ANKRD17: variants seen among roughly 807,000 people sequenced by gnomAD.
ANKRD17 encodes ankyrin repeat domain-containing protein 17.
In ANKRD17, 19 loss-of-function variants were observed where a neutral mutation model predicts 229.7. That is an observed-to-expected ratio of 0.08 (90% CI 0.06 to 0.12). ANKRD17 has a LOEUF of 0.12. Among genes scored for constraint, ANKRD17 ranks in the 10% least tolerant of loss-of-function variants. ANKRD17 has a pLI of 1.00. For synonymous variants in ANKRD17, 1,112 were observed against 1,146.1 expected (o/e 0.97, Z 0.60); for missense variants, 2,176 against 3,176.8 (o/e 0.68, Z 7.57).
chr4:73,111,453 G>A (rs1291777038), intron 24 of ANKRD17, among the ~76,000 whole-genome samples: 3 of 151,988 alleles, frequency 2.0e-5, no homozygotes, highest in Non-Finnish European at 4.4e-5. Flanking sequence ...TACTCAGAAC[G>A]GCATGCAACA....
At chr4:73,107,175 T>C (rs912378766) in intron 24 of ANKRD17, among the ~76,000 whole-genome samples, 3 of 152,198 alleles carry the variant, frequency 2.0e-5, no homozygotes, top group African/African-American at 7.2e-5. Context: ...TGCCAGATAC[T>C]GGTCTAAGTT....
At chr4:73,122,865 T>A (rs929825118) in intron 18 of ANKRD17, among the ~76,000 whole-genome samples, 6 of 152,126 alleles carry the variant, frequency 3.9e-5, no homozygotes, top group African/African-American at 1.4e-4. Context: ...TTCTCAAGTT[T>A]TCTCAATGCC....
At chr4:73,253,924 C>A (rs1021876229) in intron 1 of ANKRD17, among the ~76,000 whole-genome samples, 1 of 152,220 alleles carries the variant, frequency 6.6e-6, no homozygotes, top group Non-Finnish European at 1.5e-5. Context: ...GCTGAATCCT[C>A]CCTAAGTACT....
In ANKRD17 at chr4:73,177,621, G is replaced by C. The variant is rs530285114; in HGVS notation, c.394-88C>G. 4.3e-5 allele frequency: 44 copies of C among 1,015,834 alleles called. No homozygotes were observed. The African/African-American group carries it at 6.8e-4, about 16-fold the overall frequency. 62.9% of individuals were successfully genotyped at this position (1,015,834 alleles called of 1,614,324 possible). On this transcript the variant is annotated intron_variant, in intron 1 of 33. Transcript: ENST00000358602. ...AGAGAAATAAAAAGAAAGCAGGGGA[G>C]GGAAAAAATATGTTAACATAATTAA...
At position 73,090,960 on chromosome 4, in the gene ANKRD17, G is replaced by T; in HGVS notation, c.6668C>A (p.Thr2223Asn). ...SVPSSVQLPS[T>N]LSTQSACQNS... ...CTGACAAGCACTTTGTGTACTTAAG[G>T]TCGAAGGTAGCTGGACAGAAGAGGG... Residue 2223 changes from threonine (T) to asparagine (N), a missense_variant, in exon 29 of 34, where the codon ACC becomes AAC. Physicochemically the swap from Thr to Asn is moderately conservative, Grantham distance 65. Coordinates refer to ENST00000358602, the MANE Select transcript of ANKRD17 (RefSeq NM_032217.5). 6.2e-7 allele frequency: 1 copy of T among 1,614,228 alleles called. No homozygotes were observed. Among genetic ancestry groups the T allele is most frequent in the Non-Finnish European group, 8.5e-7 (1 of 1,180,046 alleles).
intron 1 of ANKRD17, among the ~76,000 whole-genome samples, chr4:73,188,644 C>A (rs1736620046): frequency 6.6e-6 from 1 of 151,702 alleles, no homozygotes; most frequent in African/African-American, 2.4e-5. Flanking sequence ...TCATTAGAAC[C>A]TGAGATTTAA....
chr4:73,147,320 T>C lies in ANKRD17; in HGVS notation c.1680A>G (p.Ile560Met), dbSNP rs1356106461. Residue 560 changes from isoleucine (I) to methionine (M), a missense_variant, in exon 9 of 34, where the codon ATA becomes ATG. Physicochemically the swap from Ile to Met is conservative, Grantham distance 10 (BLOSUM62 1). Coordinates refer to ENST00000358602, the MANE Select transcript of ANKRD17 (RefSeq NM_032217.5). ...TTAAAGGGGTAGAACACCCTAGTTC[T>C]ATATCGGCTCCTGCCTTAATTAGAA... is the stretch of plus-strand genomic sequence containing the variant. ...ADFLIKAGAD[I>M]ELGCSTPLME... is the part of the protein sequence containing the mutation. 6.2e-7 allele frequency: 1 copy of C among 1,609,480 alleles called. No homozygotes were observed. The highest frequency in any genetic ancestry group is 1.7e-5 in the Admixed American group (1 of 59,568).
chr4:73,128,209 C>A (rs1727726499), intron 16 of ANKRD17, among the ~76,000 whole-genome samples: 1 of 152,200 alleles, frequency 6.6e-6, no homozygotes, highest in African/African-American at 2.4e-5. Flanking sequence ...CATAAGCTAA[C>A]AACTGGTAGA....
At chr4:73,177,199 T>C (rs927525983) in intron 2 of ANKRD17, among the ~76,000 whole-genome samples, 181 bp downstream of exon 2, 1 of 152,234 alleles carries the variant, frequency 6.6e-6, no homozygotes, top group Non-Finnish European at 1.5e-5. Context: ...ACTCTGGTAA[T>C]GAAAATTACA....
intron 11 of ANKRD17, among the ~76,000 whole-genome samples, chr4:73,143,688 T>A: frequency 6.6e-6 from 1 of 152,232 alleles, no homozygotes; most frequent in Non-Finnish European, 1.5e-5. Flanking sequence ...GTTACTATTA[T>A]TATAATGTGA....
chr4:73,203,435 G>A (rs369858598), intron 1 of ANKRD17, among the ~76,000 whole-genome samples: 66 of 152,256 alleles, frequency 4.3e-4, no homozygotes, highest in African/African-American at 1.6e-3. Flanking sequence ...ATTCCAGAAA[G>A]AGAGAAGGAG....
At chr4:73,086,308 G>A (rs1256388248) in intron 29 of ANKRD17, among the ~76,000 whole-genome samples, 1 of 152,090 alleles carries the variant, frequency 6.6e-6, no homozygotes, top group East Asian at 1.9e-4. Context: ...ACGAATGTAT[G>A]TGTATTTGTG....
intron 2 of ANKRD17, among the ~76,000 whole-genome samples, chr4:73,165,479 C>G (rs953047648): frequency 1.3e-5 from 2 of 152,192 alleles, no homozygotes; most frequent in Non-Finnish European, 2.9e-5. Flanking sequence ...TCAGCTCCCA[C>G]TGTCAGAATT....
At chr4:73,165,476 C>A (rs1231094714) in intron 2 of ANKRD17, among the ~76,000 whole-genome samples, 1 of 152,132 alleles carries the variant, frequency 6.6e-6, no homozygotes, top group Non-Finnish European at 1.5e-5. Flanking sequence ...CTGTCAGCTC[C>A]CACTGTCAGA....
intron 5 of ANKRD17, among the ~76,000 whole-genome samples, chr4:73,154,816 C>T (rs1168809141): frequency 1.3e-5 from 2 of 151,898 alleles, no homozygotes; most frequent in African/African-American, 2.4e-5. Context: ...CCGAGGCGGG[C>T]GGATCACGAG....
At chr4:73,099,368 C>G (rs2148596871) in intron 25 of ANKRD17, among the ~76,000 whole-genome samples, 1 of 152,296 alleles carries the variant, frequency 6.6e-6, no homozygotes, top group South Asian at 2.1e-4. Flanking sequence ...TTCCCCTGGC[C>G]TCAGTTCCCA....
intron 1 of ANKRD17, among the ~76,000 whole-genome samples, chr4:73,250,444 T>C (rs759695702): frequency 1.4e-4 from 21 of 151,200 alleles, no homozygotes; most frequent in Middle Eastern, 6.8e-3. Flanking sequence ...CTAATAAAAA[T>C]ACAAAACAAT....
chr4:73,210,780 T>A (rs1386324807), intron 1 of ANKRD17, among the ~76,000 whole-genome samples: 1 of 151,860 alleles, frequency 6.6e-6, no homozygotes, highest in Admixed American at 6.6e-5. Context: ...TTTTCTCAGA[T>A]CTCAATTTCA....
intron 1 of ANKRD17, among the ~76,000 whole-genome samples, chr4:73,210,809 A>T (rs1290916202): frequency 6.6e-6 from 1 of 151,888 alleles, no homozygotes; most frequent in Non-Finnish European, 1.5e-5. Flanking sequence ...GAGTCCTCCA[A>T]ATCATCTAGT....
Sources: gnomAD v4.1 joint callset for allele counts (sites outside exome capture counted in the v4.1 genomes callset) on GRCh38, gnomAD v4.1.1 for gene constraint, MANE v1.5 for transcripts, NCBI Gene and HGNC (gene_info 2026-07-23, HGNC 2026-07-21) for gene names.